IFT88: variants seen among roughly 807,000 people sequenced by gnomAD.
The protein encoded by IFT88 is intraflagellar transport protein 88 homolog.
A neutral mutation model predicts 119.5 loss-of-function variants in IFT88; 74 were observed. That is an observed-to-expected ratio of 0.62 (90% CI 0.51 to 0.75). The LOEUF (loss-of-function observed/expected upper bound fraction) is 0.75, where lower values mean the gene tolerates loss of function less well. IFT88 is among the 30% of genes least tolerant of loss of function. IFT88 has a pLI of 0.00. For missense variants in IFT88, 961 were observed against 977.7 expected, an observed-to-expected ratio of 0.98 and a Z score of 0.23; for synonymous variants, 279 against 316.7, an observed-to-expected ratio of 0.88 and a Z score of 1.26.
At chr13:20,651,651 C>G (rs983558256) in intron 20 of IFT88, among the ~76,000 whole-genome samples, 11 of 151,674 alleles carry the variant, frequency 7.3e-5, no homozygotes, top group African/African-American at 2.2e-4. Context: ...TTGAGAGAGA[C>G]AGACCGCATC....
In IFT88 at chr13:20,567,257, G is replaced by A. The variant is rs2034991201; in HGVS notation, c.-7+1G>A. On this transcript the variant is annotated splice_donor_variant, in intron 1 of 25. Transcript: ENST00000351808. LOFTEE classifies it low-confidence loss of function (5UTR_SPLICE). The stretch of plus-strand genomic sequence containing the variant: ...TGTCGCCCGCTTCCCTCAGCGTGAG[G>A]TAGGAGAAGGGCGCTGGGGCCTAGT... 1 of 152,278 alleles carries A rather than the reference G, an allele frequency of 6.6e-6. No individual in the cohort carries two copies. Among genetic ancestry groups the A allele is most frequent in the South Asian group, 2.1e-4 (1 of 4,836 alleles). The allele number at this position is 152,278 out of a possible 1,614,324, so 9.4% of individuals were successfully genotyped here.
chr13:20,621,621 A>G (rs2046532650), intron 14 of IFT88, among the ~76,000 whole-genome samples: 1 of 151,664 alleles, frequency 6.6e-6, no homozygotes, highest in African/African-American at 2.4e-5. Context: ...GTTTCTTAGC[A>G]TAATTGAACA....
intron 3 of IFT88, among the ~76,000 whole-genome samples, chr13:20,588,297 C>T (rs778449714): frequency 2.6e-5 from 4 of 151,612 alleles, no homozygotes; most frequent in Non-Finnish European, 5.9e-5. Context: ...GTTCATTTTC[C>T]GTTGCTATTA....
At chr13:20,686,211 A>C (rs538977690) in intron 24 of IFT88, among the ~76,000 whole-genome samples, 7 of 152,312 alleles carry the variant, frequency 4.6e-5, no homozygotes, top group Admixed American at 4.6e-4. Flanking sequence ...TTCTAGAGAC[A>C]ATCTTATTTG....
intron 13 of IFT88, 94 bp from the exon 14 acceptor site, chr13:20,615,699 G>T: frequency 1.6e-6 from 1 of 625,928 alleles, no homozygotes. Context: ...TGGTATGTTA[G>T]TTTTGATAGA....
At chr13:20,652,264 A>G (rs1327247716) in intron 20 of IFT88, among the ~76,000 whole-genome samples, 3 of 152,214 alleles carry the variant, frequency 2.0e-5, no homozygotes, top group African/African-American at 4.8e-5. Context: ...TTAATACACT[A>G]AAACCATTGT....
chr13:20,603,488 T>C (rs1442311537), intron 12 of IFT88, among the ~76,000 whole-genome samples: 1 of 152,124 alleles, frequency 6.6e-6, no homozygotes, highest in Non-Finnish European at 1.5e-5. Context: ...ACTCTCCCTG[T>C]GTCTCAGTTC....
rs973893034 is a variant in IFT88, at chr13:20,585,894, A to G, written c.153+2875A>G. On this transcript the variant is annotated intron_variant, in intron 3 of 25. Coordinates refer to ENST00000351808, the MANE Select transcript of IFT88 (RefSeq NM_006531.5). Reference sequence around the variant, plus strand: ...ACGGGAAGAAAAACCATAGGCTCTGAGTCCTTGCACTAGGCTAGTGATTAG... The same window carrying G: ...ACGGGAAGAAAAACCATAGGCTCTGGGTCCTTGCACTAGGCTAGTGATTAG... 2.0e-5 allele frequency among the ~76,000 whole-genome samples: 3 copies of G among 152,238 alleles called. No homozygotes were observed. In the East Asian group the frequency reaches 5.8e-4, roughly 29 times the overall value.
At chr13:20,597,918 T>C (rs1385988659) in intron 9 of IFT88, among the ~76,000 whole-genome samples, 1 of 152,046 alleles carries the variant, frequency 6.6e-6, no homozygotes, top group African/African-American at 2.4e-5. Flanking sequence ...TCAAGAACTT[T>C]AGGCATATAA....
intron 14 of IFT88, among the ~76,000 whole-genome samples, chr13:20,619,023 A>G (rs778956886): frequency 1.3e-5 from 2 of 151,892 alleles, no homozygotes; most frequent in Non-Finnish European, 2.9e-5. Context: ...CGCCCGGCCA[A>G]TTTTTTGTAT....
chr13:20,658,850 G>A (rs931251748), intron 22 of IFT88, among the ~76,000 whole-genome samples: 4 of 152,168 alleles, frequency 2.6e-5, no homozygotes, highest in East Asian at 1.9e-4. Flanking sequence ...GCACCGGACC[G>A]GAAAAGCGAA....
chr13:20,645,681 T>G (rs951254423), intron 20 of IFT88, among the ~76,000 whole-genome samples: 7 of 152,176 alleles, frequency 4.6e-5, no homozygotes, highest in African/African-American at 1.4e-4. Context: ...TGTCTTTAAG[T>G]TCGTATCAGA....
At chr13:20,593,832 T>G (rs2041163984) in intron 7 of IFT88, among the ~76,000 whole-genome samples, 1 of 152,038 alleles carries the variant, frequency 6.6e-6, no homozygotes, top group South Asian at 2.1e-4. Flanking sequence ...AGAGGATCAC[T>G]TGAGCCCAGG....
chr13:20,688,035 G>A (rs1180379085), intron 24 of IFT88, among the ~76,000 whole-genome samples: 1 of 152,184 alleles, frequency 6.6e-6, no homozygotes, highest in African/African-American at 2.4e-5. Flanking sequence ...AGTAGGCCAA[G>A]TCGGAAAGAG....
intron 1 of IFT88, chr13:20,567,948 A>C: frequency 1.4e-6 from 1 of 705,210 alleles, no homozygotes. Context: ...CCTGGGCCAC[A>C]TCGGAAGAAG....
intron 14 of IFT88, among the ~76,000 whole-genome samples, chr13:20,619,768 T>C (rs2046200523): frequency 6.6e-6 from 1 of 152,126 alleles, no homozygotes; most frequent in African/African-American, 2.4e-5. Context: ...TCCTATGGTG[T>C]GTATATGTTC....
chr13:20,655,203 G>C (rs998299115), intron 21 of IFT88, among the ~76,000 whole-genome samples: 17 of 152,138 alleles, frequency 1.1e-4, no homozygotes, highest in Admixed American at 6.5e-4. Flanking sequence ...GGAGGCTGAG[G>C]CTGGCAGATC....
rs980154513 is a variant in IFT88 at position 20,620,711 on chromosome 13, G to A, written c.1199+4832G>A. 2.6e-5 allele frequency among the ~76,000 whole-genome samples: 4 copies of A among 152,002 alleles called. No homozygotes were observed. The East Asian group carries it at 5.9e-4, about 22-fold the overall frequency. ...CTCCTGAGTAGCTGGGACTACAGGC[G>A]CCTGCCACCACGCCTGGCTAATTTT... On this transcript the variant is annotated intron_variant, in intron 14 of 25. Transcript: ENST00000351808.
Position 20,574,394 on chromosome 13 carries a change from A to T in IFT88, c.9A>T (p.Gln3His). ...GTTTTTCCTAGGTACAAATGATGCA[A>T]AATGTGCACCTGGCTCCAGAGACAG... is the stretch of plus-strand genomic sequence containing the variant. MM[Q>H]NVHLAPETDE... Residue 3 changes from glutamine (Q) to histidine (H), a missense_variant, in exon 2 of 26, where the codon CAA becomes CAT. Gln to His is a conservative substitution (Grantham distance 24). Transcript: ENST00000351808. 1.2e-6 allele frequency: 2 copies of T among 1,609,480 alleles called. No homozygotes were observed. The highest frequency in any genetic ancestry group is 8.5e-7 in the Non-Finnish European group (1 of 1,176,850).
Sources: allele counts gnomAD v4.1 joint callset (sites outside exome capture counted in the v4.1 genomes callset), GRCh38; gene constraint gnomAD v4.1.1; transcripts MANE v1.5; gene names NCBI Gene and HGNC (gene_info 2026-07-23, HGNC 2026-07-21).